The following CPT1B variants were observed in gnomAD, a reference collection of about 807,000 sequenced individuals.
The protein encoded by CPT1B is carnitine O-palmitoyltransferase 1, muscle isoform.
Under a neutral mutation model 92.7 loss-of-function variants are expected in CPT1B, and 57 were observed. That is an observed-to-expected ratio of 0.62 (90% CI 0.50 to 0.77). CPT1B has a LOEUF of 0.77. Among genes scored for constraint, CPT1B ranks in the 30% least tolerant of loss-of-function variants. The pLI, the probability that CPT1B is intolerant of heterozygous loss-of-function variation, is 0.00. For synonymous variants in CPT1B, 398 were observed against 383.5 expected, an observed-to-expected ratio of 1.04 and a Z score of -0.44; for missense variants, 983 against 1,017.4, an observed-to-expected ratio of 0.97 and a Z score of 0.46.
intron 17 of CPT1B, 97 bp from the exon 18 acceptor site, chr22:50,569,765 GGAACGGGCCCC>G: frequency 9.2e-7 from 1 of 1,084,498 alleles, no homozygotes; most frequent in South Asian, 1.3e-5. Context: ...AAGAGTTGCA[GGAACGGGCCCC>G]AGCCCTAGAC....
chr22:50,571,254 C>A lies in CPT1B; in HGVS notation c.1779G>T (p.Met593Ile). The A allele has an allele frequency of 6.2e-7, 1 of 1,614,020 alleles. No individual in the cohort carries two copies. Among genetic ancestry groups the A allele is most frequent in the Non-Finnish European group, 8.5e-7 (1 of 1,180,028 alleles). Residue 593 changes from methionine (M) to isoleucine (I), a missense_variant, in exon 15 of 20, where the codon ATG becomes ATT. Physicochemically the swap from Met to Ile is conservative, Grantham distance 10 (BLOSUM62 1). Transcript: ENST00000312108. Reference sequence around the variant, plus strand: ...TCCGTCCCTCCCGGAACATTCTGGTCATTGAGGCCTCATAGGTCAGGCAGA... The same window carrying A: ...TCCGTCCCTCCCGGAACATTCTGGTAATTGAGGCCTCATAGGTCAGGCAGA... ...GKFCLTYEASMTRMFREGRTE... is the reference protein window; with the variant it reads ...GKFCLTYEASITRMFREGRTE...
Position 50,573,094 on chromosome 22 carries a change from T to G in CPT1B, c.1167-34A>C. On this transcript the variant is annotated intron_variant, in intron 10 of 19. Coordinates refer to ENST00000312108, the MANE Select transcript of CPT1B (RefSeq NM_152246.3). The surrounding 1 kb of genome is among the most constrained non-coding windows in gnomAD (Gnocchi z 5.0). ...TGGGGCAGGGTAAGCAGTGGGCACG[T>G]GGACTTGGGATGAGGGTGCCTCTGA... 3.2e-6 allele frequency: 5 copies of G among 1,562,930 alleles called. No individual in the cohort carries two copies. Among genetic ancestry groups the G allele is most frequent in the Non-Finnish European group, 4.4e-6 (5 of 1,144,928 alleles).
rs2070019881 is a variant in CPT1B, at chr22:50,568,934, TCAG to T, written c.*147_*149del. 1 of 170,320 alleles carries T rather than the reference TCAG, an allele frequency of 5.9e-6. No homozygotes were observed. Among genetic ancestry groups the T allele is most frequent in the African/African-American group, 2.4e-5 (1 of 41,746 alleles). The allele number at this position is 170,320 out of a possible 1,614,324, so 10.6% of individuals were successfully genotyped here. A position where few individuals can be genotyped will look rare whatever the true frequency, so the allele number is the denominator to read the frequency against. The stretch of plus-strand genomic sequence containing the variant: ...ACAGCTATCTCAGAGCCTACGTCAC[TCAG>T]CAGAGTCACACATTTCAAAGCAGGT... On this transcript the variant is annotated 3_prime_UTR_variant, in exon 20 of 20. Transcript: ENST00000312108.
Position 50,571,598 on chromosome 22 carries a change from C to A in CPT1B, c.1576-59G>T. 1.9e-6 allele frequency: 3 copies of A among 1,575,462 alleles called. No individual in the cohort carries two copies. In the South Asian group the frequency reaches 3.4e-5, roughly 18 times the overall value. On this transcript the variant is annotated intron_variant, in intron 13 of 19. Coordinates refer to ENST00000312108, the MANE Select transcript of CPT1B (RefSeq NM_152246.3). Reference sequence around the variant, plus strand: ...GGGCTCTCCAAGCAGGACTCTGGGTCATGTCTAGGAGGCATGACGTTTAGC... The same window carrying A: ...GGGCTCTCCAAGCAGGACTCTGGGTAATGTCTAGGAGGCATGACGTTTAGC...
Position 50,573,777 on chromosome 22 carries a change from A to G in CPT1B, c.971-62T>C. ...CCCAGCTACATCCTGGGAAGGGCCC[A>G]CCTCCCATGCACTAGGTGACCCCTG... On this transcript the variant is annotated intron_variant, in intron 9 of 19. Transcript: ENST00000312108. This position sits in a 1 kb window ranked among gnomAD's most constrained non-coding sequence, Gnocchi z 5.0. 6.8e-7 allele frequency: 1 copy of G among 1,460,850 alleles called. No homozygotes were observed. The highest frequency in any genetic ancestry group is 2.4e-5 in the East Asian group (1 of 41,706). 90.5% of individuals were successfully genotyped at this position (1,460,850 alleles called of 1,614,324 possible).
In CPT1B at chr22:50,571,407, C is replaced by G. The variant is rs2070165197; in HGVS notation, c.1708G>C (p.Val570Leu). Residue 570 changes from valine (V) to leucine (L), a missense_variant, in exon 14 of 20, where the codon GTG becomes CTG. Physicochemically the swap from Val to Leu is conservative, Grantham distance 32. Transcript: ENST00000312108. The part of the protein sequence containing the change: ...KKCRTSPDAF[V>L]QIALQLAHFR... Reference sequence around the variant, plus strand: ...TGAGCCAGCTGCAGCGCGATCTGCACAAAGGCATCAGGGCTGGTCCGGCAC... The same window carrying G: ...TGAGCCAGCTGCAGCGCGATCTGCAGAAAGGCATCAGGGCTGGTCCGGCAC... 1 of 1,613,898 alleles carries G rather than the reference C, an allele frequency of 6.2e-7. No homozygotes were observed.
chr22:50,575,952 C>G, intron 7 of CPT1B, 83 bp downstream of exon 7: 1 of 1,341,698 alleles, frequency 7.5e-7, no homozygotes, highest in Non-Finnish European at 1.1e-6. Flanking sequence ...GCTACTAGAG[C>G]TCTGGGCTGT....
chr22:50,574,540 C>T lies in CPT1B; in HGVS notation c.838G>A (p.Ala280Thr), dbSNP rs201673605. ...QAARLGNIIH[A>T]MIMYRRKLDR... ...AGTTTACGGCGATACATGATCATGGCGTGGATGATGTTTCCCAGGCGGGCT... is the reference window on the plus strand; with the variant it reads ...AGTTTACGGCGATACATGATCATGGTGTGGATGATGTTTCCCAGGCGGGCT... Residue 280 changes from alanine (A) to threonine (T), a missense_variant, in exon 8 of 20, where the codon GCC becomes ACC. Ala to Thr is a moderately conservative substitution (Grantham distance 58). Transcript: ENST00000312108. 54 of 1,613,986 alleles carry T rather than the reference C, an allele frequency of 3.3e-5. No individual in the cohort carries two copies. Among genetic ancestry groups the T allele is most frequent in the South Asian group, 1.9e-4 (17 of 91,088 alleles).
chr22:50,578,263 G>A (rs1235943705), intron 1 of CPT1B, 123 bp downstream of exon 1: 1 of 153,050 alleles, frequency 6.5e-6, no homozygotes, highest in Non-Finnish European at 1.5e-5. Flanking sequence ...GGCCTGGACA[G>A]AGGCAGGGTT....
chr22:50,573,402 G>T lies in CPT1B; in HGVS notation c.1166+118C>A. The T allele has an allele frequency of 1.1e-6, 1 of 891,480 alleles. No individual in the cohort carries two copies. Among genetic ancestry groups the T allele is most frequent in the Non-Finnish European group, 1.7e-6 (1 of 588,092 alleles). The allele number at this position is 891,480 out of a possible 1,614,324, so 55.2% of individuals were successfully genotyped here. On this transcript the variant is annotated intron_variant, in intron 10 of 19. Coordinates refer to ENST00000312108, the MANE Select transcript of CPT1B (RefSeq NM_152246.3). This position sits in a 1 kb window ranked among gnomAD's most constrained non-coding sequence, Gnocchi z 5.0. ...CTGTCCTGCTGCCATGACCACCAAT[G>T]CCCCTCCCCTAGTTGTGCCTCCAGC...
chr22:50,571,345 CCT>C, intron 14 of CPT1B, 28 bp downstream of exon 14: 1 of 1,613,754 alleles, frequency 6.2e-7, no homozygotes. Context: ...ACCACCCTGC[CCT>C]CTCAGCAGCG....
chr22:50,578,060 G>T, intron 1 of CPT1B, 126 bp from the exon 2 acceptor site: 1 of 513,998 alleles, frequency 1.9e-6, no homozygotes, highest in Non-Finnish European at 2.7e-6. Flanking sequence ...GCTGCCCCCG[G>T]CCCGCGCCCC....
In CPT1B at chr22:50,571,367, G is replaced by T; in HGVS notation, c.1740+8C>A. The T allele has an allele frequency of 6.2e-7, 1 of 1,613,800 alleles. No individual in the cohort carries two copies. ...TGCCCTCTCAGCAGCGGGAGGCGGGGCTCCTACCCGGAAGTGAGCCAGCTG... is the reference window on the plus strand; with the variant it reads ...TGCCCTCTCAGCAGCGGGAGGCGGGTCTCCTACCCGGAAGTGAGCCAGCTG... On this transcript the variant is annotated splice_region_variant and intron_variant, in intron 14 of 19. Coordinates refer to ENST00000312108, the MANE Select transcript of CPT1B (RefSeq NM_152246.3).
chr22:50,577,148 C>A, intron 3 of CPT1B, 114 bp from the exon 4 acceptor site: 1 of 1,395,738 alleles, frequency 7.2e-7, no homozygotes. Context: ...ACACTCATGT[C>A]TGACTGCATC....
chr22:50,574,926 C>T (rs2070363395), intron 7 of CPT1B: 1 of 271,558 alleles, frequency 3.7e-6, no homozygotes, highest in African/African-American at 2.2e-5. Flanking sequence ...CTGCAGCCTC[C>T]TGAGTTGCAG....
At position 50,577,008 on chromosome 22, in the gene CPT1B, G is replaced by C. The variant is rs535198476; in HGVS notation, c.308C>G (p.Thr103Ser). The C allele has an allele frequency of 6.2e-7, 1 of 1,614,052 alleles. No homozygotes were observed. The highest frequency in any genetic ancestry group is 8.5e-7 in the Non-Finnish European group (1 of 1,180,014). ...GATGGCCATGCTGAGAAGTGCCCGGGTCTGCGGGGTCTGGTAGGGGCCACA... is the reference window on the plus strand; with the variant it reads ...GATGGCCATGCTGAGAAGTGCCCGGCTCTGCGGGGTCTGGTAGGGGCCACA... ...QGCGPYQTPQ[T>S]RALLSMAIFS... Residue 103 changes from threonine to serine, a missense_variant, in exon 4 of 20, where the codon ACC becomes AGC. Transcript: ENST00000312108.
chr22:50,569,140 A>C, intron 19 of CPT1B, 59 bp from the exon 20 acceptor site: 1 of 529,874 alleles, frequency 1.9e-6, no homozygotes, highest in South Asian at 2.6e-5. Context: ...AAAAAAAATC[A>C]AAATTCCCTT....
chr22:50,571,118 C>G, intron 15 of CPT1B, 40 bp downstream of exon 15: 1 of 1,612,318 alleles, frequency 6.2e-7, no homozygotes, highest in Non-Finnish European at 8.5e-7. Context: ...GGGCACCTCA[C>G]CCGACGACTG....
At position 50,569,428 on chromosome 22, in the gene CPT1B, G is replaced by A; in HGVS notation, c.2236-7C>T. The A allele has an allele frequency of 1.2e-6, 2 of 1,614,016 alleles. No homozygotes were observed. Among genetic ancestry groups the A allele is most frequent in the East Asian group, 2.2e-5 (1 of 44,882 alleles). ...TTCCAAAGCGCTGGGCGTTCTGTGGGAGCCAAGAGTTCAGATGCACCTTCA... is the reference window on the plus strand; with the variant it reads ...TTCCAAAGCGCTGGGCGTTCTGTGGAAGCCAAGAGTTCAGATGCACCTTCA... On this transcript the variant is annotated splice_polypyrimidine_tract_variant and splice_region_variant and intron_variant, in intron 18 of 19. Transcript: ENST00000312108.
Sources: allele counts gnomAD v4.1 joint callset, GRCh38; gene constraint gnomAD v4.1.1; non-coding constraint Gnocchi (gnomAD v3.1); transcripts MANE v1.5; gene names NCBI Gene and HGNC (gene_info 2026-07-23, HGNC 2026-07-21).